Variants in ZSCAN4 observed in about 807,000 individuals in gnomAD.
ZSCAN4 encodes zinc finger and SCAN domain containing 4.
ZSCAN4 carries 18 observed loss-of-function variants against 18.3 expected under a neutral mutation model. The observed-to-expected ratio is 0.98, with a 90% CI of 0.68 to 1.46. ZSCAN4 has a LOEUF of 1.46. Among genes scored for constraint, ZSCAN4 ranks in the 40% most tolerant of loss-of-function variants. The pLI, the probability that ZSCAN4 is intolerant of heterozygous loss-of-function variation, is 0.00. For synonymous variants in ZSCAN4, 193 were observed against 180.3 expected (o/e 1.07, Z -0.57); for missense variants, 498 against 511.4 (o/e 0.97, Z 0.25).
chr19:57,671,186 A>T (rs938873414), intron 2 of ZSCAN4, among the ~76,000 whole-genome samples: 1 of 152,076 alleles, frequency 6.6e-6, no homozygotes, highest in African/African-American at 2.4e-5. Flanking sequence ...GTATTGCATT[A>T]TATGAAATAT....
At chr19:57,651,939 C>A in the ZSCAN4 span, among the ~76,000 whole-genome samples, 1 of 152,106 alleles carries the variant, frequency 6.6e-6, no homozygotes, top group East Asian at 1.9e-4. Context: ...AAGCCCAGTG[C>A]CAGGTGAGAG....
chr19:57,670,843 C>T (rs1472728311), intron 2 of ZSCAN4, among the ~76,000 whole-genome samples: 3 of 150,554 alleles, frequency 2.0e-5, no homozygotes, highest in African/African-American at 7.3e-5. Context: ...AAAAGTCTAT[C>T]GTATGACTTT....
the ZSCAN4 span, among the ~76,000 whole-genome samples, chr19:57,660,638 A>G: frequency 6.6e-6 from 1 of 152,270 alleles, no homozygotes; most frequent in South Asian, 2.1e-4. Flanking sequence ...ATTCCTAAGT[A>G]TCTCACCCTG....
At chr19:57,656,636 A>G in the ZSCAN4 span, among the ~76,000 whole-genome samples, 1 of 152,186 alleles carries the variant, frequency 6.6e-6, no homozygotes, top group African/African-American at 2.4e-5. Flanking sequence ...GACTTCACCC[A>G]TATACCCCCT....
chr19:57,678,344 G>A (rs371461059), exon 5 of ZSCAN4: 11 of 1,614,084 alleles, frequency 6.8e-6, no homozygotes, highest in Non-Finnish European at 9.3e-6. Flanking sequence ...AAAGAGCAGA[G>A]CTAGTCACTG....
chr19:57,678,271 A>G, exon 5 of ZSCAN4: 1 of 1,614,232 alleles, frequency 6.2e-7, no homozygotes. Context: ...ATCATCATCC[A>G]GGAAGAGAAC....
chr19:57,670,617 A>G (rs374088859), intron 2 of ZSCAN4, 50 bp downstream of exon 2: 1 of 152,204 alleles, frequency 6.6e-6, no homozygotes, highest in East Asian at 1.9e-4. Context: ...GTGTGTATAC[A>G]TTTTGTGTCT....
At chr19:57,652,510 C>T in the ZSCAN4 span, among the ~76,000 whole-genome samples, 1 of 152,106 alleles carries the variant, frequency 6.6e-6, no homozygotes, top group Non-Finnish European at 1.5e-5. Flanking sequence ...AGCCTTCCTC[C>T]TCCGATTTTG....
upstream of ZSCAN4, chr19:57,668,873 CCT>C (rs1287447814): frequency 6.6e-6 from 1 of 152,156 alleles, no homozygotes; most frequent in East Asian, 1.9e-4. Context: ...TCCCGGGCCC[CCT>C]CTGTTTCACC....
the ZSCAN4 span, among the ~76,000 whole-genome samples, chr19:57,657,751 G>A: frequency 6.6e-6 from 1 of 152,096 alleles, no homozygotes; most frequent in Non-Finnish European, 1.5e-5. Context: ...ATAATATGAT[G>A]TGGTATTTGC....
chr19:57,679,024 T>C, exon 5 of ZSCAN4: 1 of 1,226,702 alleles, frequency 8.2e-7, no homozygotes, highest in Non-Finnish European at 1.1e-6. Context: ...TTGTCTTGCT[T>C]CATTAAAATG....
At chr19:57,655,244 G>C in the ZSCAN4 span, among the ~76,000 whole-genome samples, 1 of 152,220 alleles carries the variant, frequency 6.6e-6, no homozygotes. Context: ...CCAAGCTGCT[G>C]TACACCACAT....
At chr19:57,657,020 C>T in the ZSCAN4 span, among the ~76,000 whole-genome samples, 52 of 151,286 alleles carry the variant, frequency 3.4e-4, no homozygotes, top group East Asian at 3.3e-3. Flanking sequence ...CTGAGGAAGG[C>T]GGATCACTTG....
chr19:57,657,697 G>A, the ZSCAN4 span, among the ~76,000 whole-genome samples: 2 of 151,964 alleles, frequency 1.3e-5, no homozygotes, highest in Non-Finnish European at 2.9e-5. Flanking sequence ...CTGATTCCAG[G>A]ACCCCCAAGG....
upstream of ZSCAN4, among the ~76,000 whole-genome samples, chr19:57,667,638 A>G (rs1408552523): frequency 1.3e-5 from 2 of 152,180 alleles, no homozygotes; most frequent in East Asian, 3.8e-4. Context: ...CCTCAGGTCT[A>G]ACTGCTCCCA....
rs890769735 is a variant in ZSCAN4 at position 57,670,344 on chromosome 19, C to T, written c.-329C>T. ...TCAACAGACAAGTGTTATCCAATCA[C>T]GTCTTTAAATCAATCACTGACATGG... On this transcript the variant is annotated 5_prime_UTR_variant, in exon 2 of 5. The change creates a new upstream start codon in the 5' untranslated region. Transcript: ENST00000318203. 6.6e-6 allele frequency: 1 copy of T among 151,574 alleles called. No individual in the cohort carries two copies. The highest frequency in any genetic ancestry group is 1.5e-5 in the Non-Finnish European group (1 of 67,738). The allele number at this position is 151,574 out of a possible 1,614,324, so 9.4% of individuals were successfully genotyped here. A position where few individuals can be genotyped will look rare whatever the true frequency, so the allele number is the denominator to read the frequency against.
the ZSCAN4 span, among the ~76,000 whole-genome samples, chr19:57,661,346 T>A: frequency 6.6e-6 from 1 of 152,154 alleles, no homozygotes; most frequent in Non-Finnish European, 1.5e-5. Flanking sequence ...AGATCTCCCT[T>A]AACTCACCTC....
the ZSCAN4 span, among the ~76,000 whole-genome samples, chr19:57,661,686 A>G: frequency 6.6e-6 from 1 of 152,238 alleles, no homozygotes; most frequent in Non-Finnish European, 1.5e-5. Context: ...TAAAAATGCT[A>G]TTGAGGTAAA....
the ZSCAN4 span, among the ~76,000 whole-genome samples, chr19:57,657,874 C>T: frequency 1.3e-5 from 2 of 152,220 alleles, no homozygotes; most frequent in Middle Eastern, 3.4e-3. Flanking sequence ...TCACCTAATA[C>T]AGTGTAAATG....
Sources: allele counts gnomAD v4.1 joint callset (sites outside exome capture counted in the v4.1 genomes callset), GRCh38; gene constraint gnomAD v4.1.1; transcripts MANE v1.5; gene names NCBI Gene and HGNC (gene_info 2026-07-23, HGNC 2026-07-21).